Variants in OR1J2 observed in about 807,000 individuals in gnomAD.
OR1J2 encodes olfactory receptor 1J2.
For synonymous variants in OR1J2, 142 were observed against 99.7 expected, an observed-to-expected ratio of 1.42 and a Z score of -2.52; for missense variants, 304 against 246.1, an observed-to-expected ratio of 1.24 and a Z score of -1.57.
At chr9:122,491,934 A>G in the OR1J2 span, among the ~76,000 whole-genome samples, 2 of 152,198 alleles carry the variant, frequency 1.3e-5, no homozygotes, top group East Asian at 3.8e-4. Flanking sequence ...ATGAGGCCAA[A>G]TATCCTATAT....
chr9:122,462,895 T>G, the OR1J2 span, among the ~76,000 whole-genome samples: 2 of 152,358 alleles, frequency 1.3e-5, no homozygotes, highest in South Asian at 2.1e-4. Flanking sequence ...TTCATGACTA[T>G]GTACCAAGGC....
the OR1J2 span, among the ~76,000 whole-genome samples, chr9:122,452,555 C>CA: frequency 6.6e-6 from 1 of 152,140 alleles, no homozygotes; most frequent in African/African-American, 2.4e-5. Context: ...GAGTTATTGA[C>CA]AAGCAAGATG....
chr9:122,568,373 C>G, the OR1J2 span: 436 of 1,613,804 alleles, frequency 2.7e-4, no homozygotes, highest in South Asian at 1.4e-3. Context: ...TGACCAGGTA[C>G]ACGATGAGGA....
At chr9:122,548,757 C>T in the OR1J2 span, among the ~76,000 whole-genome samples, 1 of 119,990 alleles carries the variant, frequency 8.3e-6, no homozygotes, top group East Asian at 3.1e-4. Context: ...CCTCTACCCC[C>T]ACCCCACAAC....
chr9:122,483,078 A>G, the OR1J2 span, among the ~76,000 whole-genome samples: 1 of 152,230 alleles, frequency 6.6e-6, no homozygotes, highest in Non-Finnish European at 1.5e-5. Context: ...TACAATGTAT[A>G]TATGTATCAA....
chr9:122,532,395 C>T, the OR1J2 span, among the ~76,000 whole-genome samples: 1 of 152,064 alleles, frequency 6.6e-6, no homozygotes, highest in Non-Finnish European at 1.5e-5. Context: ...CATCAATAAA[C>T]CAAGTGTGAT....
chr9:122,493,893 G>A, the OR1J2 span, among the ~76,000 whole-genome samples: 10 of 152,122 alleles, frequency 6.6e-5, no homozygotes, highest in Admixed American at 5.2e-4. Flanking sequence ...GATAGATCAC[G>A]TCACTATTAC....
the OR1J2 span, among the ~76,000 whole-genome samples, chr9:122,543,996 T>C: frequency 6.6e-6 from 1 of 152,170 alleles, no homozygotes; most frequent in African/African-American, 2.4e-5. Flanking sequence ...TTTTCAACTT[T>C]TGTTAGCCTC....
chr9:122,460,474 C>G, the OR1J2 span, among the ~76,000 whole-genome samples: 33 of 152,076 alleles, frequency 2.2e-4, no homozygotes, highest in Middle Eastern at 0.01. Flanking sequence ...GTCTATATGC[C>G]TGTTTTTATA....
chr9:122,490,903 T>C, the OR1J2 span, among the ~76,000 whole-genome samples: 4 of 152,126 alleles, frequency 2.6e-5, no homozygotes, highest in Non-Finnish European at 4.4e-5. Flanking sequence ...ATAATGAGCA[T>C]GTGTTTGCAG....
At chr9:122,455,198 T>A in the OR1J2 span, among the ~76,000 whole-genome samples, 3 of 152,344 alleles carry the variant, frequency 2.0e-5, no homozygotes, top group South Asian at 6.2e-4. Flanking sequence ...CAAGTTTTTG[T>A]TTGAATACCT....
At chr9:122,523,703 C>A in the OR1J2 span, among the ~76,000 whole-genome samples, 1 of 152,128 alleles carries the variant, frequency 6.6e-6, no homozygotes, top group Admixed American at 6.5e-5. Context: ...TATTTAAGAA[C>A]AAAATGGAAG....
the OR1J2 span, among the ~76,000 whole-genome samples, chr9:122,498,756 C>T: frequency 2.4e-4 from 37 of 152,232 alleles, no homozygotes; most frequent in Admixed American, 4.6e-4. Flanking sequence ...GAGATGCTGG[C>T]ACTTCTAATT....
At chr9:122,482,579 C>T in the OR1J2 span, among the ~76,000 whole-genome samples, 2 of 152,142 alleles carry the variant, frequency 1.3e-5, 1 homozygote, top group South Asian at 4.1e-4. Flanking sequence ...TATTGCAGCA[C>T]TATTCACAAT....
chr9:122,554,133 T>C, the OR1J2 span: 1 of 1,612,654 alleles, frequency 6.2e-7, no homozygotes, highest in East Asian at 2.2e-5. Context: ...GGGTAAACTT[T>C]TTGTCAGTGG....
chr9:122,534,589 G>A, the OR1J2 span, among the ~76,000 whole-genome samples: 2 of 152,166 alleles, frequency 1.3e-5, no homozygotes, highest in African/African-American at 4.8e-5. Flanking sequence ...GGTGTGAGGA[G>A]GGGAGGTGAT....
chr9:122,458,741 G>A, the OR1J2 span, among the ~76,000 whole-genome samples: 1 of 152,276 alleles, frequency 6.6e-6, no homozygotes, highest in Non-Finnish European at 1.5e-5. Context: ...AGATTTGGGT[G>A]GGTACACAGC....
chr9:122,501,555 T>C, the OR1J2 span, among the ~76,000 whole-genome samples: 1 of 152,316 alleles, frequency 6.6e-6, no homozygotes, highest in East Asian at 1.9e-4. Flanking sequence ...CTTACTGCTA[T>C]ATGAGGCCTT....
chr9:122,455,677 T>A, the OR1J2 span, among the ~76,000 whole-genome samples: 255 of 152,354 alleles, frequency 1.7e-3, 3 homozygotes, highest in Middle Eastern at 3.4e-3. Flanking sequence ...CTCACAATAT[T>A]GTCTTTTGAT....
Sources: allele counts gnomAD v4.1 joint callset (sites outside exome capture counted in the v4.1 genomes callset), GRCh38; gene constraint gnomAD v4.1.1; transcripts MANE v1.5; gene names NCBI Gene and HGNC (gene_info 2026-07-23, HGNC 2026-07-21).